Variants in NOLC1 observed in about 807,000 individuals in gnomAD.
The protein encoded by NOLC1 is nucleolar and coiled-body phosphoprotein 1.
NOLC1 carries 37 observed loss-of-function variants against 73.4 expected under a neutral mutation model. That is an observed-to-expected ratio of 0.50 (90% CI 0.39 to 0.66). The LOEUF (loss-of-function observed/expected upper bound fraction) is 0.66, where lower values mean the gene tolerates loss of function less well. Among genes scored for constraint, NOLC1 ranks in the 30% least tolerant of loss-of-function variants. The pLI, the probability that NOLC1 is intolerant of heterozygous loss-of-function variation, is 0.00. For synonymous variants in NOLC1, 327 were observed against 302.6 expected (o/e 1.08, Z -0.84); for missense variants, 921 against 838.9 (o/e 1.10, Z -1.21).
In NOLC1 at chr10:102,159,516, T is replaced by G; in HGVS notation, c.807T>G (p.Asp269Glu). 6.2e-7 allele frequency: 1 copy of G among 1,614,186 alleles called. No homozygotes were observed. Among genetic ancestry groups the G allele is most frequent in the East Asian group, 2.2e-5 (1 of 44,884 alleles). Residue 269 changes from aspartate (D) to glutamate (E), a missense_variant, in exon 7 of 13, where the codon GAT becomes GAG. Coordinates refer to ENST00000605788, the MANE Select transcript of NOLC1 (RefSeq NM_004741.5). ...TPTRKSSSSEDSSSDEEEEQK... is the reference protein window; with the variant it reads ...TPTRKSSSSEESSSDEEEEQK... ...CCCGGAAGAGTTCTAGCAGTGAGGA[T>G]TCCTCCAGTGACGAGGAAGAGGAGC...
At position 102,161,838 on chromosome 10, in the gene NOLC1, A is replaced by G; in HGVS notation, c.1854A>G (p.Glu618=). 1 of 1,614,094 alleles carries G rather than the reference A, an allele frequency of 6.2e-7. No individual in the cohort carries two copies. Among genetic ancestry groups the G allele is most frequent in the Non-Finnish European group, 8.5e-7 (1 of 1,179,962 alleles). The part of the protein sequence containing the change: ...PNTFPKRKKG[E]KRASSPFRRV... ...CCTACTTCATTCTTCTGTAGGGAGA[A>G]AAAAGGGCATCATCCCCATTCCGAA... The change falls in exon 12 of 13, where the codon GAA becomes GAG. Residue 618 remains glutamate (E), a synonymous_variant. Transcript: ENST00000605788.
rs1016345338 is a variant in NOLC1, at chr10:102,162,208, G to A, written c.2039G>A (p.Gly680Asp). 8.1e-6 allele frequency: 13 copies of A among 1,613,980 alleles called. No homozygotes were observed. In the East Asian group the frequency reaches 1.3e-4, roughly 17 times the overall value. The change falls in exon 13 of 13, where the codon GGC becomes GAC. Residue 680 changes from glycine (G) to aspartate (D), a missense_variant. Gly to Asp is a moderately conservative substitution (Grantham distance 94). Coordinates refer to ENST00000605788, the MANE Select transcript of NOLC1 (RefSeq NM_004741.5). ...CATGAGAAAACCAAGAAGAAGCGGG[G>A]CAGCTACCGGGGAGGCTCAATCTCT... is the stretch of plus-strand genomic sequence containing the variant. ...FRHEKTKKKR[G>D]SYRGGSISVQ...
intron 12 of NOLC1, 53 bp downstream of exon 12, chr10:102,161,978 A>G (rs543540165): frequency 6.2e-7 from 1 of 1,603,058 alleles, no homozygotes. Context: ...AGTGTCAGAG[A>G]GGACAATTCT....
chr10:102,153,213 C>A lies in NOLC1; in HGVS notation c.120+683C>A, dbSNP rs12414841. The stretch of plus-strand genomic sequence containing the variant: ...AGTCTTTCTACAGGGATGTCATCAT[C>A]CACTTTATAGGATTTTTGTGAGTTT... On this transcript the variant is annotated intron_variant, in intron 1 of 12. Coordinates refer to ENST00000605788, the MANE Select transcript of NOLC1 (RefSeq NM_004741.5). Among the ~76,000 whole-genome samples the A allele has an allele frequency of 0.011, 1,701 of 152,238 alleles. 72 individuals are homozygous for A. The East Asian group carries it at 0.15, about 14-fold the overall frequency.
chr10:102,159,630 A>G (rs2069665945), intron 7 of NOLC1, 62 bp downstream of exon 7: 3 of 1,539,258 alleles, frequency 1.9e-6, no homozygotes, highest in Non-Finnish European at 8.9e-7. Context: ...CAGTAACCAC[A>G]TGGACCTCTC....
At chr10:102,162,051 TAA>T in intron 12 of NOLC1, 58 bp from the exon 13 acceptor site, 1 of 1,605,256 alleles carries the variant, frequency 6.2e-7, no homozygotes, top group East Asian at 2.2e-5. Flanking sequence ...GTAGAAAGAA[TAA>T]AGTGACAGGG....
intron 1 of NOLC1, among the ~76,000 whole-genome samples, chr10:102,153,829 C>T (rs544034064): frequency 1.3e-5 from 2 of 151,088 alleles, no homozygotes; most frequent in East Asian, 2.0e-4. Context: ...CGTACCACCA[C>T]GCCCGGCTAA....
intron 1 of NOLC1, 126 bp downstream of exon 1, chr10:102,152,656 G>A: frequency 7.4e-7 from 1 of 1,359,848 alleles, no homozygotes; most frequent in Non-Finnish European, 1.0e-6. Flanking sequence ...AGGCCTTTAC[G>A]CCGACCCCTC....
intron 8 of NOLC1, 71 bp downstream of exon 8, chr10:102,160,095 A>G (rs1445278952): frequency 1.3e-6 from 2 of 1,591,400 alleles, no homozygotes; most frequent in Admixed American, 1.8e-5. Flanking sequence ...GGGAGAGAGA[A>G]AGCCTTCCAT....
At chr10:102,155,284 C>G (rs1277916871) in intron 1 of NOLC1, among the ~76,000 whole-genome samples, 2 of 151,712 alleles carry the variant, frequency 1.3e-5, no homozygotes, top group Non-Finnish European at 2.9e-5. Flanking sequence ...CTCAGCCTCA[C>G]AAAGTGTTGG....
intron 5 of NOLC1, among the ~76,000 whole-genome samples, 183 bp downstream of exon 5, chr10:102,158,397 A>G (rs369176444): frequency 1.3e-5 from 2 of 152,220 alleles, no homozygotes; most frequent in African/African-American, 4.8e-5. Context: ...GAGCTAGTAA[A>G]TAGAGAAAGT....
intron 5 of NOLC1, among the ~76,000 whole-genome samples, chr10:102,158,775 G>T (rs1002391578): frequency 6.6e-6 from 1 of 151,972 alleles, no homozygotes. Context: ...CATTCTCCTC[G>T]ATGGCTGCTC....
Position 102,152,546 on chromosome 10 carries a change from G to C in NOLC1, c.120+16G>C, listed in dbSNP as rs765570698. 3.1e-6 allele frequency: 5 copies of C among 1,613,244 alleles called. No homozygotes were observed. In the South Asian group the frequency reaches 4.4e-5, roughly 14 times the overall value. On this transcript the variant is annotated intron_variant, in intron 1 of 12. Transcript: ENST00000605788. ...GACAGGAGCTGTGAGTTCCGGGCTT[G>C]GGGCGGGGACCGGGCTGAGATGACC...
At position 102,161,131 on chromosome 10, in the gene NOLC1, C is replaced by A. The variant is rs968043965; in HGVS notation, c.1741+38C>A. The A allele has an allele frequency of 1.0e-5, 16 of 1,553,136 alleles. 1 individual carries two copies. The highest frequency in any genetic ancestry group is 4.5e-5 in the East Asian group (2 of 44,560). On this transcript the variant is annotated intron_variant, in intron 10 of 12. Coordinates refer to ENST00000605788, the MANE Select transcript of NOLC1 (RefSeq NM_004741.5). Reference sequence around the variant, plus strand: ...TGAACATGCCCTCTGGGTTTTGTCCCCCCAAATCAGGATGGGATATACTCT... The same window carrying A: ...TGAACATGCCCTCTGGGTTTTGTCCACCCAAATCAGGATGGGATATACTCT...
At position 102,160,679 on chromosome 10, in the gene NOLC1, G is replaced by A; in HGVS notation, c.1327G>A (p.Ala443Thr). ...GGAGGAGAAGACAAAGAAGATGGTG[G>A]CCACCACTAAGCCCAAGGCGACTGC... ...SEEEKTKKMV[A>T]TTKPKATAKA... Residue 443 changes from alanine (A) to threonine (T), a missense_variant, in exon 10 of 13, where the codon GCC (alanine) becomes ACC (threonine). Transcript: ENST00000605788. 2.5e-6 allele frequency: 4 copies of A among 1,614,184 alleles called. No homozygotes were observed. The highest frequency in any genetic ancestry group is 3.4e-6 in the Non-Finnish European group (4 of 1,180,028).
At chr10:102,157,605 A>T (rs886932834) in intron 4 of NOLC1, 50 bp downstream of exon 4, 4 of 1,583,238 alleles carry the variant, frequency 2.5e-6, no homozygotes, top group Admixed American at 1.8e-5. Context: ...AAAGGAAGAA[A>T]CCTAAAATCT....
intron 4 of NOLC1, 58 bp from the exon 5 acceptor site, chr10:102,157,991 T>C: frequency 6.7e-7 from 1 of 1,500,238 alleles, no homozygotes; most frequent in South Asian, 1.2e-5. Flanking sequence ...GAACCTAGGA[T>C]GCCCTTTGGG....
Position 102,162,240 on chromosome 10 carries a change from G to C in NOLC1, c.2071G>C (p.Val691Leu). The C allele has an allele frequency of 6.2e-7, 1 of 1,614,076 alleles. No homozygotes were observed. Among genetic ancestry groups the C allele is most frequent in the Non-Finnish European group, 8.5e-7 (1 of 1,180,018 alleles). Residue 691 changes from valine (V) to leucine (L), a missense_variant, in exon 13 of 13, where the codon GTC (valine) becomes CTC (leucine). Coordinates refer to ENST00000605788, the MANE Select transcript of NOLC1 (RefSeq NM_004741.5). ...SYRGGSISVQ[V>L]NSIKFDSE ...CCGGGGAGGCTCAATCTCTGTCCAG[G>C]TCAATTCTATTAAGTTTGACAGCGA... is the stretch of plus-strand genomic sequence containing the variant.
rs1379484724 is a variant in NOLC1 at position 102,161,612 on chromosome 10, G to T, written c.1798G>T (p.Ala600Ser). Residue 600 changes from alanine (A) to serine (S), a missense_variant, in exon 11 of 13, where the codon GCC (alanine) becomes TCC (serine). Coordinates refer to ENST00000605788, the MANE Select transcript of NOLC1 (RefSeq NM_004741.5). The stretch of plus-strand genomic sequence containing the variant: ...TGCCAAGGAGGCAGAGACTCCTCAG[G>T]CCAAGAAGATAAAGCTTCAGACCCC... ...EAAKEAETPQ[A>S]KKIKLQTPNT... The T allele has an allele frequency of 1.9e-6, 3 of 1,613,972 alleles. No homozygotes were observed. The African/African-American group carries it at 4.0e-5, about 22-fold the overall frequency.
Sources: allele counts gnomAD v4.1 joint callset (sites outside exome capture counted in the v4.1 genomes callset), GRCh38; gene constraint gnomAD v4.1.1; transcripts MANE v1.5; gene names NCBI Gene and HGNC (gene_info 2026-07-23, HGNC 2026-07-21).